The following DDR2 variants were observed in gnomAD, a reference collection of about 807,000 sequenced individuals.
The protein encoded by DDR2 is discoidin domain receptor tyrosine kinase 2.
A neutral mutation model predicts 94.9 loss-of-function variants in DDR2; 27 were observed. That is an observed-to-expected ratio of 0.28 (90% CI 0.21 to 0.39). The LOEUF (loss-of-function observed/expected upper bound fraction) is 0.39. Among genes scored for constraint, DDR2 ranks in the 10% least tolerant of loss-of-function variants. The pLI is 1.00. For synonymous variants in DDR2, 382 were observed against 377.2 expected (o/e 1.01, Z -0.15); for missense variants, 783 against 1,076.0 (o/e 0.73, Z 3.81).
At position 162,754,777 on chromosome 1, in the gene DDR2, G is replaced by A. The variant is rs2102134124; in HGVS notation, c.339G>A (p.Glu113=). The A allele has an allele frequency of 6.2e-7, 1 of 1,614,118 alleles. No homozygotes were observed. Among genetic ancestry groups the A allele is most frequent in the Non-Finnish European group, 8.5e-7 (1 of 1,180,014 alleles). Reference sequence around the variant, plus strand: ...GCCATGCAGGAGGTCATGGCATCGAGTTTGCCCCCATGTACAAGATCAATT... The same window carrying A: ...GCCATGCAGGAGGTCATGGCATCGAATTTGCCCCCATGTACAAGATCAATT... ...QGRHAGGHGI[E]FAPMYKINYS... Residue 113 remains glutamate, a synonymous_variant, in exon 5 of 18, where the codon GAG becomes GAA. Coordinates refer to ENST00000367921, the MANE Select transcript of DDR2 (RefSeq NM_006182.4).
At position 162,770,180 on chromosome 1, in the gene DDR2, T is replaced by A. The variant is rs1664193290; in HGVS notation, c.1294-122T>A. Reference sequence around the variant, plus strand: ...ACTGCATTCCTAGCACGTGCAGTGTTGCTGGGGTTAAACAGTAGTAAAGAG... The same window carrying A: ...ACTGCATTCCTAGCACGTGCAGTGTAGCTGGGGTTAAACAGTAGTAAAGAG... On this transcript the variant is annotated intron_variant, in intron 11 of 17. Transcript: ENST00000367921. 4.5e-5 allele frequency: 43 copies of A among 961,594 alleles called. No homozygotes were observed. In the South Asian group the frequency reaches 5.6e-4, roughly 12 times the overall value. The allele number at this position is 961,594 out of a possible 1,614,324, so 59.6% of individuals were successfully genotyped here.
intron 2 of DDR2, among the ~76,000 whole-genome samples, chr1:162,696,879 T>C (rs1441050089): frequency 6.6e-6 from 1 of 152,108 alleles, no homozygotes; most frequent in African/African-American, 2.4e-5. Context: ...AATCCTCTGT[T>C]TGAGGTTCCA....
At chr1:162,638,426 A>G (rs1364163112) in intron 1 of DDR2, among the ~76,000 whole-genome samples, 1 of 152,228 alleles carries the variant, frequency 6.6e-6, no homozygotes. Flanking sequence ...GCATTAAAGA[A>G]CAAACTCCCA....
At chr1:162,692,171 G>A (rs1424216097) in intron 2 of DDR2, among the ~76,000 whole-genome samples, 3 of 152,150 alleles carry the variant, frequency 2.0e-5, no homozygotes, top group African/African-American at 7.2e-5. Flanking sequence ...CCCTGCCTTG[G>A]CTGACACCCA....
intron 3 of DDR2, among the ~76,000 whole-genome samples, chr1:162,724,667 T>G (rs1571245911): frequency 6.6e-6 from 1 of 152,274 alleles, no homozygotes; most frequent in African/African-American, 2.4e-5. Flanking sequence ...GCTGAGAAGG[T>G]TTATGTGGCC....
chr1:162,677,949 T>A (rs1210085302), intron 2 of DDR2, among the ~76,000 whole-genome samples: 1 of 152,094 alleles, frequency 6.6e-6, no homozygotes, highest in Non-Finnish European at 1.5e-5. Context: ...TTTTATTTTT[T>A]ATTTTTTTTT....
intron 7 of DDR2, 92 bp from the exon 8 acceptor site, chr1:162,759,704 G>A (rs1232550956): frequency 7.0e-7 from 1 of 1,437,408 alleles, no homozygotes. Context: ...TACAAAATCT[G>A]GAGTGAAGAT....
chr1:162,718,233 T>A (rs1049285323), intron 2 of DDR2, among the ~76,000 whole-genome samples: 3 of 152,178 alleles, frequency 2.0e-5, no homozygotes, highest in Non-Finnish European at 4.4e-5. Flanking sequence ...TAAAAGATAC[T>A]CCAAGTCCAT....
intron 3 of DDR2, among the ~76,000 whole-genome samples, chr1:162,746,327 C>T (rs1218052474): frequency 2.6e-5 from 4 of 152,226 alleles, no homozygotes; most frequent in Admixed American, 6.5e-5. Context: ...TTATATCCTG[C>T]GCCTGGCTTG....
chr1:162,666,421 G>A (rs1276253582), intron 2 of DDR2, among the ~76,000 whole-genome samples: 3 of 152,202 alleles, frequency 2.0e-5, no homozygotes, highest in Non-Finnish European at 2.9e-5. Context: ...GTGTGGCTTC[G>A]ATGGCAATGG....
At chr1:162,709,252 A>C (rs1035358097) in intron 2 of DDR2, among the ~76,000 whole-genome samples, 3 of 152,194 alleles carry the variant, frequency 2.0e-5, no homozygotes, top group African/African-American at 7.2e-5. Context: ...CAGAGGGTGG[A>C]GGGAAGTAAC....
chr1:162,715,819 ACTTC>A (rs747919335), intron 2 of DDR2, among the ~76,000 whole-genome samples: 6 of 152,188 alleles, frequency 3.9e-5, no homozygotes, highest in Non-Finnish European at 8.8e-5. Flanking sequence ...TAGGTATAAT[ACTTC>A]TAGGTGCTTT....
intron 3 of DDR2, among the ~76,000 whole-genome samples, chr1:162,719,416 C>G (rs1472830694): frequency 6.6e-6 from 1 of 152,076 alleles, no homozygotes; most frequent in Admixed American, 6.6e-5. Flanking sequence ...TGGGAGGTGG[C>G]AGAAGCAACC....
intron 14 of DDR2, 149 bp from the exon 15 acceptor site, chr1:162,775,503 G>A (rs983288910): frequency 1.3e-6 from 1 of 748,254 alleles, no homozygotes; most frequent in Non-Finnish European, 2.3e-6. Flanking sequence ...GACAGATCCA[G>A]GTGTCAATTT....
intron 3 of DDR2, among the ~76,000 whole-genome samples, chr1:162,729,300 A>ATATATATTTTTTTTT (rs1416872679): frequency 1.1e-5 from 1 of 94,014 alleles, no homozygotes; most frequent in African/African-American, 5.3e-5. Flanking sequence ...ATATATATAT[A>ATATATATTTTTTTTT]TTTTTTTTTT....
intron 3 of DDR2, among the ~76,000 whole-genome samples, chr1:162,740,871 A>G (rs1476228304): frequency 1.3e-5 from 2 of 152,284 alleles, no homozygotes; most frequent in East Asian, 3.9e-4. Flanking sequence ...GTTTCAGAAG[A>G]GAGAGAAGAC....
At chr1:162,651,987 C>T (rs1173764077) in intron 1 of DDR2, among the ~76,000 whole-genome samples, 2 of 152,210 alleles carry the variant, frequency 1.3e-5, no homozygotes, top group Admixed American at 6.5e-5. Context: ...CGACTGGCTT[C>T]GCTACATCAT....
intron 2 of DDR2, among the ~76,000 whole-genome samples, chr1:162,688,258 T>G (rs1351621611): frequency 6.6e-6 from 1 of 152,212 alleles, no homozygotes; most frequent in Non-Finnish European, 1.5e-5. Flanking sequence ...GTGGCTCCTT[T>G]CTCTTCATTT....
At chr1:162,704,756 G>T (rs1036923127) in intron 2 of DDR2, among the ~76,000 whole-genome samples, 1 of 152,148 alleles carries the variant, frequency 6.6e-6, no homozygotes, top group African/African-American at 2.4e-5. Flanking sequence ...CACATTGAGG[G>T]TTAGAATTTC....
Sources: allele counts gnomAD v4.1 joint callset (sites outside exome capture counted in the v4.1 genomes callset), GRCh38; gene constraint gnomAD v4.1.1; transcripts MANE v1.5; gene names NCBI Gene and HGNC (gene_info 2026-07-23, HGNC 2026-07-21).